The following ZNF536 variants were observed in gnomAD, a reference collection of about 807,000 sequenced individuals.
ZNF536 encodes zinc finger protein 536.
ZNF536 carries 13 observed loss-of-function variants against 84.5 expected under a neutral mutation model. The ratio of observed to expected loss-of-function variants is 0.15; its 90% CI spans 0.10 to 0.24. ZNF536 has a LOEUF of 0.24. Ranked by LOEUF, ZNF536 falls within the 10% of genes least tolerant of loss-of-function variation. ZNF536 has a pLI of 1.00. For synonymous variants in ZNF536, 811 were observed against 742.5 expected, an observed-to-expected ratio of 1.09 and a Z score of -1.50; for missense variants, 1,536 against 1,747.5, an observed-to-expected ratio of 0.88 and a Z score of 2.16.
intron 1 of ZNF536, among the ~76,000 whole-genome samples, chr19:30,283,798 A>T (rs1333454137): frequency 6.6e-6 from 1 of 152,200 alleles, no homozygotes. Flanking sequence ...CTTCTGTCCC[A>T]TATAGAGAAG....
chr19:30,567,742 C>T (rs976272395), intron 1 of ZNF536, among the ~76,000 whole-genome samples: 1 of 152,098 alleles, frequency 6.6e-6, no homozygotes, highest in African/African-American at 2.4e-5. Context: ...GTGCCGGACT[C>T]TGACCAAAAC....
chr19:30,370,076 C>T (rs2048562944), upstream of ZNF536, among the ~76,000 whole-genome samples: 1 of 152,212 alleles, frequency 6.6e-6, no homozygotes, highest in African/African-American at 2.4e-5. Context: ...TAAATCCTCT[C>T]ATTACTGCCT....
chr19:30,237,485 A>C (rs957328183), intron 1 of ZNF536, among the ~76,000 whole-genome samples: 5 of 152,196 alleles, frequency 3.3e-5, no homozygotes, highest in African/African-American at 1.2e-4. Context: ...TTAAACGTGA[A>C]GGTATTTATG....
intron 1 of ZNF536, among the ~76,000 whole-genome samples, chr19:30,417,059 T>C (rs1053324192): frequency 1.3e-5 from 2 of 151,886 alleles, no homozygotes; most frequent in African/African-American, 4.8e-5. Flanking sequence ...CTGCAGCTTC[T>C]ACCTCCTGGG....
chr19:30,361,349 T>A (rs1006278937), intron 3 of ZNF536, among the ~76,000 whole-genome samples: 7 of 152,108 alleles, frequency 4.6e-5, no homozygotes, highest in Admixed American at 6.5e-5. Context: ...TTCTTTTTCT[T>A]TTTTCTTTTC....
intron 4 of ZNF536, among the ~76,000 whole-genome samples, chr19:30,553,753 C>T (rs940285885): frequency 6.6e-6 from 1 of 152,168 alleles, no homozygotes; most frequent in Non-Finnish European, 1.5e-5. Context: ...TTGCATAAGC[C>T]CAGGAGTTCA....
Position 30,549,384 on chromosome 19 carries a change from C to G in ZNF536, c.3765C>G (p.Pro1255=), listed in dbSNP as rs2146254168. The G allele has an allele frequency of 6.3e-7, 1 of 1,598,462 alleles. No homozygotes were observed. The highest frequency in any genetic ancestry group is 8.5e-7 in the Non-Finnish European group (1 of 1,171,900). Residue 1255 remains proline (P), a synonymous_variant, in exon 4 of 5, where the codon CCC becomes CCG. Coordinates refer to ENST00000355537, the MANE Select transcript of ZNF536 (RefSeq NM_014717.3). ...GCCTGCCAAAGCCGGAGCGGGGGCC[C>G]CAGAGCCTGGACAAGCCGATGAACA... is the stretch of plus-strand genomic sequence containing the variant. ...LAGLPKPERG[P]QSLDKPMNML...
chr19:30,590,116 T>C (rs572762180), intron 1 of ZNF536, among the ~76,000 whole-genome samples: 222 of 152,350 alleles, frequency 1.5e-3, no homozygotes, highest in African/African-American at 5.1e-3. Context: ...CCAGCAGGCC[T>C]GGGCGGTGTT....
chr19:30,375,112 C>T (rs2048761199), intron 1 of ZNF536, among the ~76,000 whole-genome samples: 1 of 151,402 alleles, frequency 6.6e-6, no homozygotes, highest in African/African-American at 2.4e-5. Flanking sequence ...GAGACGCCGC[C>T]CAGCCCCGGG....
intron 1 of ZNF536, among the ~76,000 whole-genome samples, chr19:30,563,640 G>A (rs1428009869): frequency 2.0e-5 from 3 of 152,174 alleles, no homozygotes; most frequent in Admixed American, 2.0e-4. Context: ...TAAACACCTG[G>A]ATGTCATGTT....
chr19:30,454,446 A>G (rs1166763206), intron 2 of ZNF536, among the ~76,000 whole-genome samples: 3 of 152,276 alleles, frequency 2.0e-5, no homozygotes, highest in African/African-American at 7.2e-5. Flanking sequence ...GTTGAGTTCA[A>G]CATGAAGTGT....
intron 2 of ZNF536, among the ~76,000 whole-genome samples, chr19:30,502,638 C>T (rs1368180566): frequency 1.3e-5 from 2 of 152,114 alleles, no homozygotes; most frequent in East Asian, 3.9e-4. Context: ...CACATCTTCT[C>T]AAGATATTTT....
chr19:30,654,125 A>G (rs1036430173), intron 1 of ZNF536, among the ~76,000 whole-genome samples: 6 of 152,108 alleles, frequency 3.9e-5, no homozygotes, highest in African/African-American at 1.4e-4. Flanking sequence ...CTCCTTTGAA[A>G]CAAGCGGGCT....
intron 1 of ZNF536, among the ~76,000 whole-genome samples, chr19:30,229,209 C>T (rs761667263): frequency 2.6e-5 from 4 of 152,110 alleles, no homozygotes; most frequent in Non-Finnish European, 4.4e-5. Context: ...TTTTCCTTAG[C>T]TCGTCCCCCT....
chr19:30,711,102 C>A (rs2052441001), exon 2 of ZNF536: 1 of 151,874 alleles, frequency 6.6e-6, no homozygotes, highest in Non-Finnish European at 1.5e-5. Context: ...AAATCATGTA[C>A]AACCCCCCAA....
At chr19:30,408,268 C>T (rs867418598) in intron 1 of ZNF536, among the ~76,000 whole-genome samples, 1 of 152,102 alleles carries the variant, frequency 6.6e-6, no homozygotes, top group African/African-American at 2.4e-5. Context: ...GTGTTGCATT[C>T]TAGTAAAATT....
At chr19:30,474,887 A>G (rs766952819) in intron 2 of ZNF536, among the ~76,000 whole-genome samples, 5 of 142,306 alleles carry the variant, frequency 3.5e-5, no homozygotes, top group Non-Finnish European at 7.7e-5. Context: ...TTGTCCCCCA[A>G]TGGTCTCAGC....
chr19:30,550,371 T>A (rs986801467), intron 4 of ZNF536, among the ~76,000 whole-genome samples: 1 of 152,292 alleles, frequency 6.6e-6, no homozygotes, highest in African/African-American at 2.4e-5. Flanking sequence ...GCAGGGGGAA[T>A]CAAAGTCATT....
chr19:30,420,834 C>T (rs866702351), intron 1 of ZNF536, among the ~76,000 whole-genome samples: 1 of 152,152 alleles, frequency 6.6e-6, no homozygotes, highest in Non-Finnish European at 1.5e-5. Context: ...GTGCTATTTT[C>T]GGAGTCTTTA....
Sources: allele counts gnomAD v4.1 joint callset (sites outside exome capture counted in the v4.1 genomes callset), GRCh38; gene constraint gnomAD v4.1.1; transcripts MANE v1.5; gene names NCBI Gene and HGNC (gene_info 2026-07-23, HGNC 2026-07-21).